The following PTPRM variants were observed in gnomAD, a reference collection of about 807,000 sequenced individuals.
The protein encoded by PTPRM is protein tyrosine phosphatase receptor type M, also known as receptor-type tyrosine-protein phosphatase mu.
Under a neutral mutation model 186.7 loss-of-function variants are expected in PTPRM, and 47 were observed. The observed-to-expected ratio is 0.25, with a 90% CI of 0.20 to 0.32. The LOEUF is 0.32. PTPRM is among the 10% of genes least tolerant of loss of function. The pLI is 1.00. For missense variants in PTPRM, 1,494 were observed against 1,865.0 expected (o/e 0.80, Z 3.66); for synonymous variants, 668 against 674.9 (o/e 0.99, Z 0.16).
intron 14 of PTPRM, among the ~76,000 whole-genome samples, chr18:8,178,651 G>A (rs2093524892): frequency 6.6e-6 from 1 of 152,098 alleles, no homozygotes; most frequent in Non-Finnish European, 1.5e-5. Flanking sequence ...GCTGGGCATG[G>A]TGGTATGTGC....
intron 19 of PTPRM, chr18:8,270,450 T>G (rs1180107097): frequency 6.6e-6 from 1 of 152,102 alleles, no homozygotes; most frequent in African/African-American, 2.4e-5. Context: ...GGAACTCTTC[T>G]GCATTGTTGG....
intron 13 of PTPRM, among the ~76,000 whole-genome samples, chr18:8,139,496 A>G (rs944071736): frequency 3.3e-5 from 5 of 152,176 alleles, no homozygotes; most frequent in African/African-American, 1.2e-4. Context: ...GTTGAATATA[A>G]GCCAGATCAA....
chr18:7,814,037 T>A (rs2044672700), intron 2 of PTPRM: 1 of 152,278 alleles, frequency 6.6e-6, no homozygotes, highest in African/African-American at 2.4e-5. Context: ...TATTTGCTGC[T>A]TCTCTTTCTT....
At chr18:8,230,312 G>C (rs758445616) in intron 14 of PTPRM, among the ~76,000 whole-genome samples, 9 of 152,220 alleles carry the variant, frequency 5.9e-5, no homozygotes, top group Non-Finnish European at 8.8e-5. Context: ...GTTGTCTCTA[G>C]AGTGGGCTTC....
intron 5 of PTPRM, among the ~76,000 whole-genome samples, chr18:7,935,917 A>G (rs2051775926): frequency 6.6e-6 from 1 of 152,240 alleles, no homozygotes; most frequent in Non-Finnish European, 1.5e-5. Flanking sequence ...AAGGAAGGGC[A>G]TCACCACTAA....
intron 5 of PTPRM, among the ~76,000 whole-genome samples, chr18:7,931,909 T>C (rs1377889766): frequency 6.6e-6 from 1 of 152,204 alleles, no homozygotes; most frequent in Non-Finnish European, 1.5e-5. Flanking sequence ...AGCTAGCTAG[T>C]GTTTATGTAC....
chr18:8,312,108 G>C (rs1601756042), intron 20 of PTPRM, among the ~76,000 whole-genome samples: 1 of 152,204 alleles, frequency 6.6e-6, no homozygotes, highest in African/African-American at 2.4e-5. Context: ...CTTCAGAGGA[G>C]CTGACGAAAG....
In PTPRM at chr18:8,406,100, G is replaced by A. The variant is rs2095905103; in HGVS notation, c.4345-9G>A. On this transcript the variant is annotated splice_polypyrimidine_tract_variant and intron_variant, in intron 32 of 32. Coordinates refer to ENST00000580170, the MANE Select transcript of PTPRM (RefSeq NM_001105244.2). The stretch of plus-strand genomic sequence containing the variant: ...TCTTGAGCTGACACTTTCCCCTCCT[G>A]TTTTCCAGGATCAGTACAAGTTCTG... 1 of 1,613,856 alleles carries A rather than the reference G, an allele frequency of 6.2e-7. No individual in the cohort carries two copies. Among genetic ancestry groups the A allele is most frequent in the African/African-American group, 1.3e-5 (1 of 74,896 alleles).
intron 2 of PTPRM, among the ~76,000 whole-genome samples, chr18:7,804,361 T>C (rs1473262747): frequency 6.6e-6 from 1 of 152,174 alleles, no homozygotes; most frequent in Non-Finnish European, 1.5e-5. Context: ...GGAGATGTGA[T>C]CTTGGGCAGG....
At chr18:7,940,121 T>A (rs1168707029) in intron 5 of PTPRM, among the ~76,000 whole-genome samples, 1 of 152,140 alleles carries the variant, frequency 6.6e-6, no homozygotes, top group Non-Finnish European at 1.5e-5. Context: ...CACTTCACTG[T>A]TTAATTCCAG....
rs375762670 is a variant in PTPRM, at chr18:7,955,152, C to G, written c.870C>G (p.Leu290=). 6.2e-7 allele frequency: 1 copy of G among 1,611,354 alleles called. No homozygotes were observed. The highest frequency in any genetic ancestry group is 8.5e-7 in the Non-Finnish European group (1 of 1,177,662). The change falls in exon 7 of 33, where the codon CTC becomes CTG. Residue 290 remains leucine (L), a synonymous_variant. Coordinates refer to ENST00000580170, the MANE Select transcript of PTPRM (RefSeq NM_001105244.2). The stretch of plus-strand genomic sequence containing the variant: ...CCGTTCCTATTGCCCCACCTCAGCT[C>G]GCCTCTGTAGGAGCCACCTACCTGT... ...EPPVPIAPPQ[L]ASVGATYLWI... is the part of the protein sequence containing the mutation.
chr18:8,378,932 A>T (rs750912465), intron 27 of PTPRM, among the ~76,000 whole-genome samples: 16 of 151,994 alleles, frequency 1.1e-4, no homozygotes, highest in African/African-American at 1.7e-4. Context: ...AATTCTAGGG[A>T]CCCACAGTGG....
At chr18:7,740,509 C>T (rs1217200393) in intron 1 of PTPRM, among the ~76,000 whole-genome samples, 1 of 152,152 alleles carries the variant, frequency 6.6e-6, no homozygotes, top group East Asian at 1.9e-4. Context: ...GCCTGAAACT[C>T]CTGGGCTGAA....
chr18:8,045,192 A>G (rs1250644143), intron 7 of PTPRM, among the ~76,000 whole-genome samples: 1 of 152,200 alleles, frequency 6.6e-6, no homozygotes, highest in Non-Finnish European at 1.5e-5. Context: ...AATAAAAAAT[A>G]CAAAAATTAG....
chr18:7,926,660 G>A lies in PTPRM; in HGVS notation c.640G>A (p.Ala214Thr). 1 of 1,612,772 alleles carries A rather than the reference G, an allele frequency of 6.2e-7. No homozygotes were observed. Among genetic ancestry groups the A allele is most frequent in the Non-Finnish European group, 8.5e-7 (1 of 1,179,710 alleles). Residue 214 changes from alanine (A) to threonine (T), a missense_variant, in exon 5 of 33, where the codon GCA (alanine) becomes ACA (threonine). Ala to Thr is a moderately conservative substitution (Grantham distance 58, BLOSUM62 0). Around this residue, in one of 3 missense-constraint regions of PTPRM, gnomAD observed 296 missense variants for 345.5 expected, o/e 0.86. Transcript: ENST00000580170. The part of the protein sequence containing the change: ...FQCSAIGRTV[A>T]GDRLWLQGID... ...GTGCAGTGCCATCGGCAGGACCGTG[G>A]CAGGAGACAGGCTCTGGTTACAGGT...
intron 7 of PTPRM, among the ~76,000 whole-genome samples, chr18:8,006,328 A>T (rs2084183370): frequency 6.6e-6 from 1 of 152,234 alleles, no homozygotes; most frequent in African/African-American, 2.4e-5. Flanking sequence ...TGCTATGCAT[A>T]GCCATGATCA....
At chr18:7,814,054 C>T (rs1275491951) in intron 2 of PTPRM, 1 of 152,208 alleles carries the variant, frequency 6.6e-6, no homozygotes, top group Non-Finnish European at 1.5e-5. Context: ...TCTTGGTCTT[C>T]ATTTTCTTCA....
At chr18:8,069,121 A>G (rs568823241) in intron 7 of PTPRM, among the ~76,000 whole-genome samples, 4 of 151,716 alleles carry the variant, frequency 2.6e-5, no homozygotes, top group East Asian at 1.9e-4. Flanking sequence ...AAAAAAAAAA[A>G]AAAAAAAAAA....
chr18:7,745,115 T>C (rs990143614), intron 1 of PTPRM, among the ~76,000 whole-genome samples: 1 of 152,206 alleles, frequency 6.6e-6, no homozygotes, highest in Non-Finnish European at 1.5e-5. Flanking sequence ...TCTTCTCTGC[T>C]GTATAATTTT....
Sources: allele counts gnomAD v4.1 joint callset (sites outside exome capture counted in the v4.1 genomes callset), GRCh38; gene constraint gnomAD v4.1.1; regional missense constraint gnomAD v4.1.1; transcripts MANE v1.5; gene names NCBI Gene and HGNC (gene_info 2026-07-23, HGNC 2026-07-21).